SPMIP3: variants seen among roughly 807,000 people sequenced by gnomAD.
SPMIP3 encodes sperm microtubule inner protein 3.
chr1:244,356,389 C>T, the SPMIP3 span, among the ~76,000 whole-genome samples: 44 of 152,150 alleles, frequency 2.9e-4, no homozygotes, highest in Non-Finnish European at 4.4e-4. Context: ...TGATTTAACC[C>T]GTATTATATA....
the SPMIP3 span, among the ~76,000 whole-genome samples, chr1:244,357,650 A>G: frequency 1.3e-4 from 19 of 144,926 alleles, no homozygotes; most frequent in African/African-American, 4.6e-4. Flanking sequence ...TGGAGGTTGC[A>G]GTGAGCCAAG....
chr1:244,381,486 T>C, the SPMIP3 span, among the ~76,000 whole-genome samples: 5 of 152,180 alleles, frequency 3.3e-5, no homozygotes, highest in Admixed American at 6.5e-5. Flanking sequence ...CTAAATAAAT[T>C]TTAGCAAAGC....
At chr1:244,373,847 C>T in the SPMIP3 span, among the ~76,000 whole-genome samples, 2 of 152,068 alleles carry the variant, frequency 1.3e-5, no homozygotes, top group African/African-American at 4.8e-5. Flanking sequence ...GGTGCAGTGG[C>T]TCATGCCTGT....
At chr1:244,375,192 A>G in the SPMIP3 span, 11 of 475,536 alleles carry the variant, frequency 2.3e-5, no homozygotes, top group Middle Eastern at 1.1e-3. Flanking sequence ...TATGGTAGAA[A>G]AGGGCTGGTT....
chr1:244,375,460 G>T, the SPMIP3 span: 4 of 1,613,078 alleles, frequency 2.5e-6, no homozygotes, highest in African/African-American at 5.3e-5. Flanking sequence ...TGCAAAGAGA[G>T]CTCCCAGGTG....
chr1:244,374,209 G>A, the SPMIP3 span, among the ~76,000 whole-genome samples: 57 of 152,042 alleles, frequency 3.7e-4, no homozygotes, highest in Non-Finnish European at 6.5e-4. Flanking sequence ...CCTCAGCCCC[G>A]TTGTATTCCA....
the SPMIP3 span, chr1:244,375,629 GT>G: frequency 0.017 from 5,957 of 351,246 alleles, no homozygotes; most frequent in East Asian, 0.021. Context: ...AACTGTTAAT[GT>G]TTTTTTTTTT....
chr1:244,375,652 A>G, the SPMIP3 span: 1 of 481,028 alleles, frequency 2.1e-6, no homozygotes, highest in Non-Finnish European at 3.7e-6. Flanking sequence ...ATGAGTGGTG[A>G]GATTATTCTT....
the SPMIP3 span, among the ~76,000 whole-genome samples, chr1:244,383,115 C>T: frequency 6.6e-6 from 1 of 152,208 alleles, no homozygotes; most frequent in African/African-American, 2.4e-5. Context: ...CTTACCCACA[C>T]ATATTCCTTC....
At chr1:244,368,671 T>C in the SPMIP3 span, among the ~76,000 whole-genome samples, 1 of 152,246 alleles carries the variant, frequency 6.6e-6, no homozygotes, top group African/African-American at 2.4e-5. Flanking sequence ...CAATCGTTTA[T>C]GTGTGGTGTG....
At chr1:244,361,235 CT>C in the SPMIP3 span, among the ~76,000 whole-genome samples, 54 of 119,258 alleles carry the variant, frequency 4.5e-4, 1 homozygote, top group African/African-American at 5.2e-4. Flanking sequence ...TTCTTTCTTT[CT>C]TTTTTTTTTT....
the SPMIP3 span, among the ~76,000 whole-genome samples, chr1:244,371,814 C>G: frequency 6.6e-6 from 1 of 152,236 alleles, no homozygotes; most frequent in East Asian, 1.9e-4. Context: ...AAGAAAGCTA[C>G]GTGTCCCACC....
the SPMIP3 span, chr1:244,388,832 C>T: frequency 1.4e-6 from 1 of 718,032 alleles, no homozygotes; most frequent in Non-Finnish European, 2.3e-6. Context: ...TAAATGCATT[C>T]ATTTGTCTTA....
the SPMIP3 span, among the ~76,000 whole-genome samples, chr1:244,377,400 C>T: frequency 6.6e-6 from 1 of 152,208 alleles, no homozygotes; most frequent in African/African-American, 2.4e-5. Context: ...GGATGACAGG[C>T]GTGAGCCACC....
the SPMIP3 span, among the ~76,000 whole-genome samples, chr1:244,376,752 T>C: frequency 1.3e-5 from 2 of 152,246 alleles, no homozygotes; most frequent in Non-Finnish European, 2.9e-5. Context: ...AACCTTTGTT[T>C]AAACTTAATG....
the SPMIP3 span, among the ~76,000 whole-genome samples, chr1:244,376,118 A>G: frequency 8.7e-3 from 1,325 of 152,264 alleles, 23 homozygotes; most frequent in African/African-American, 0.03. Context: ...GGTATTCTCA[A>G]TGATTCTTCA....
the SPMIP3 span, among the ~76,000 whole-genome samples, chr1:244,383,516 AT>A: frequency 2.0e-5 from 3 of 152,214 alleles, no homozygotes; most frequent in African/African-American, 7.2e-5. Context: ...CTCTAAAAAA[AT>A]AAATAACCAT....
At chr1:244,354,354 ATTTTT>A in the SPMIP3 span, among the ~76,000 whole-genome samples, 1 of 107,218 alleles carries the variant, frequency 9.3e-6, no homozygotes. Flanking sequence ...CCAAACTTTG[ATTTTT>A]TTTTTTTTTT....
chr1:244,387,768 C>G, the SPMIP3 span, among the ~76,000 whole-genome samples: 2 of 151,874 alleles, frequency 1.3e-5, no homozygotes, highest in Non-Finnish European at 2.9e-5. Context: ...GTGGCCTGGA[C>G]CAGGGTGTGA....
Sources: gnomAD v4.1 joint callset for allele counts (sites outside exome capture counted in the v4.1 genomes callset) on GRCh38, gnomAD v4.1.1 for gene constraint, MANE v1.5 for transcripts, NCBI Gene and HGNC (gene_info 2026-07-23, HGNC 2026-07-21) for gene names.